LRRC7: variants seen among roughly 807,000 people sequenced by gnomAD.
The protein encoded by LRRC7 is leucine rich repeat containing 7, also known as leucine-rich repeat-containing protein 7.
In LRRC7, 23 loss-of-function variants were observed where a neutral mutation model predicts 175.7. That is an observed-to-expected ratio of 0.13 (90% CI 0.09 to 0.19). The LOEUF is 0.19. LRRC7 is among the 10% of genes least tolerant of loss of function. The pLI, the probability that LRRC7 is intolerant of heterozygous loss-of-function variation, is 1.00. For missense variants in LRRC7, 1,354 were observed against 1,904.7 expected (o/e 0.71, Z 5.38); for synonymous variants, 685 against 680.9 (o/e 1.01, Z -0.09).
intron 25 of LRRC7, among the ~76,000 whole-genome samples, chr1:70,107,505 C>T (rs949078989): frequency 2.0e-5 from 3 of 152,158 alleles, no homozygotes; most frequent in Admixed American, 6.5e-5. Context: ...GCCATGAGAT[C>T]AATTTATAAA....
intron 7 of LRRC7, among the ~76,000 whole-genome samples, chr1:69,871,160 A>T (rs965312556): frequency 6.6e-6 from 1 of 152,096 alleles, no homozygotes; most frequent in Non-Finnish European, 1.5e-5. Flanking sequence ...TTATGTATTG[A>T]TCACCTTGAT....
rs1021455141 is a variant in LRRC7, at chr1:69,656,564, C to A, written c.3-21817C>A. Among the ~76,000 whole-genome samples, 10 of 152,046 alleles carry A rather than the reference C, an allele frequency of 6.6e-5. No homozygotes were observed. The South Asian group carries it at 1.0e-3, about 16-fold the overall frequency. The stretch of plus-strand genomic sequence containing the variant: ...TTACTAACTAACATATTTTGGGGAA[C>A]CTTCTCTGAAATACCCATAAACTTA... On this transcript the variant is annotated intron_variant, in intron 1 of 26. Transcript: ENST00000651989.
At chr1:69,676,603 T>G (rs141592324) in intron 1 of LRRC7, among the ~76,000 whole-genome samples, 246 of 152,208 alleles carry the variant, frequency 1.6e-3, no homozygotes, top group Middle Eastern at 3.4e-3. Flanking sequence ...TTGTGTTTGA[T>G]TAATTTATTA....
intron 1 of LRRC7, among the ~76,000 whole-genome samples, chr1:69,630,886 CAATTTTGTAAA>C (rs1402949797): frequency 1.3e-5 from 2 of 151,982 alleles, no homozygotes; most frequent in South Asian, 2.1e-4. Context: ...GATGTATAAG[CAATTTTGTAAA>C]AATTTTGTAA....
At chr1:69,656,923 C>T (rs896041345) in intron 1 of LRRC7, among the ~76,000 whole-genome samples, 3 of 150,778 alleles carry the variant, frequency 2.0e-5, no homozygotes, top group African/African-American at 7.3e-5. Flanking sequence ...CTACCATAAT[C>T]CCTTATTACA....
Position 70,138,471 on chromosome 1 carries a change from G to C in LRRC7, c.*16584G>C, listed in dbSNP as rs550470644. ...AAAGCAATAAATATTCTAAAATGAG[G>C]GATATTGGTCCTTTTGTGACTGAGC... On this transcript the variant is annotated 3_prime_UTR_variant, in exon 27 of 27. Coordinates refer to ENST00000651989, the MANE Select transcript of LRRC7 (RefSeq NM_001370785.2). The C allele has an allele frequency of 6.6e-6, 1 of 151,976 alleles. No homozygotes were observed. Among genetic ancestry groups the C allele is most frequent in the Non-Finnish European group, 1.5e-5 (1 of 67,988 alleles). The allele number at this position is 151,976 out of a possible 1,614,324, so 9.4% of individuals were successfully genotyped here. A position where few individuals can be genotyped will look rare whatever the true frequency, so the allele number is the denominator to read the frequency against.
At chr1:69,874,954 A>G (rs1294763035) in intron 7 of LRRC7, 1 of 152,034 alleles carries the variant, frequency 6.6e-6, no homozygotes, top group Non-Finnish European at 1.5e-5. Flanking sequence ...ATGTCTCTCA[A>G]AAATTAAAAG....
chr1:70,025,204 GA>G (rs1156430831), intron 17 of LRRC7, among the ~76,000 whole-genome samples: 3 of 151,114 alleles, frequency 2.0e-5, no homozygotes, highest in Non-Finnish European at 3.0e-5. Flanking sequence ...AAACTTAAGT[GA>G]GATTTTATTA....
intron 7 of LRRC7, among the ~76,000 whole-genome samples, chr1:69,903,420 G>A (rs898311708): frequency 9.9e-5 from 15 of 152,174 alleles, no homozygotes; most frequent in Admixed American, 9.8e-4. Flanking sequence ...GAAGGACTGT[G>A]CCGTGAGGGA....
intron 18 of LRRC7, among the ~76,000 whole-genome samples, chr1:70,032,359 TC>T (rs1304562966): frequency 2.0e-5 from 3 of 151,602 alleles, no homozygotes; most frequent in Non-Finnish European, 4.4e-5. Flanking sequence ...ACAAGTCAAG[TC>T]TCTAAAACCT....
At chr1:69,962,973 C>T (rs973924516) in intron 8 of LRRC7, among the ~76,000 whole-genome samples, 2 of 151,880 alleles carry the variant, frequency 1.3e-5, no homozygotes, top group South Asian at 2.1e-4. Context: ...ACATGTACCC[C>T]GAACTTAAAA....
chr1:69,603,143 T>A (rs1210125889), intron 1 of LRRC7, among the ~76,000 whole-genome samples: 1 of 152,212 alleles, frequency 6.6e-6, no homozygotes, highest in African/African-American at 2.4e-5. Flanking sequence ...TCTTTTTCTC[T>A]CTTACATGGA....
intron 11 of LRRC7, among the ~76,000 whole-genome samples, chr1:69,996,412 A>G (rs1654975191): frequency 6.6e-6 from 1 of 151,952 alleles, no homozygotes; most frequent in Non-Finnish European, 1.5e-5. Context: ...ATTAGATCCC[A>G]TTTGTCAATT....
intron 4 of LRRC7, among the ~76,000 whole-genome samples, chr1:69,793,303 C>T (rs928859539): frequency 3.3e-5 from 5 of 152,094 alleles, no homozygotes; most frequent in African/African-American, 1.2e-4. Flanking sequence ...GAAGTGATAA[C>T]CAGATAGGAC....
At chr1:69,772,016 G>T (rs1032149393) in intron 3 of LRRC7, among the ~76,000 whole-genome samples, 2 of 152,128 alleles carry the variant, frequency 1.3e-5, no homozygotes, top group African/African-American at 4.8e-5. Flanking sequence ...AGCTACTCAG[G>T]AGGCTGAGGC....
At chr1:69,781,688 G>GAA (rs112404404) in intron 3 of LRRC7, among the ~76,000 whole-genome samples, 8 of 43,952 alleles carry the variant, frequency 1.8e-4, no homozygotes, top group African/African-American at 7.5e-4. Context: ...TCAAAAAAAA[G>GAA]AAGAAAGAAA....
chr1:69,805,079 A>G (rs1253975902), intron 4 of LRRC7, among the ~76,000 whole-genome samples: 1 of 151,764 alleles, frequency 6.6e-6, no homozygotes, highest in African/African-American at 2.4e-5. Flanking sequence ...TTTCTATACA[A>G]GAATGGATTT....
At chr1:69,927,772 A>T (rs1042660751) in intron 7 of LRRC7, among the ~76,000 whole-genome samples, 10 of 151,988 alleles carry the variant, frequency 6.6e-5, no homozygotes, top group Non-Finnish European at 1.2e-4. Context: ...TGTCGTTCGG[A>T]GTAGTTTGAT....
intron 24 of LRRC7, among the ~76,000 whole-genome samples, chr1:70,082,382 A>G (rs1365770673): frequency 1.3e-5 from 2 of 152,184 alleles, no homozygotes; most frequent in Non-Finnish European, 2.9e-5. Context: ...GCTATTTGTG[A>G]ATATTTCCCC....
Sources: gnomAD v4.1 joint callset for allele counts (sites outside exome capture counted in the v4.1 genomes callset) on GRCh38, gnomAD v4.1.1 for gene constraint, MANE v1.5 for transcripts, NCBI Gene and HGNC (gene_info 2026-07-23, HGNC 2026-07-21) for gene names.